KLF17: variants seen among roughly 807,000 people sequenced by gnomAD.
The protein encoded by KLF17 is KLF transcription factor 17.
KLF17 carries 31 observed loss-of-function variants against 34.2 expected under a neutral mutation model. The ratio of observed to expected loss-of-function variants is 0.91; its 90% CI spans 0.68 to 1.22. KLF17 has a LOEUF of 1.22. Ranked by LOEUF, KLF17 falls within the 50% of genes most tolerant of loss-of-function variation. KLF17 has a pLI of 0.00. For synonymous variants in KLF17, 179 were observed against 186.7 expected (o/e 0.96, Z 0.34); for missense variants, 478 against 505.2 (o/e 0.95, Z 0.52).
At chr1:44,097,505 G>A in the KLF17 span, among the ~76,000 whole-genome samples, 3 of 152,166 alleles carry the variant, frequency 2.0e-5, no homozygotes, top group African/African-American at 7.2e-5. Context: ...ACAGGTTGGT[G>A]AGTGCAGCAA....
chr1:44,108,989 G>T, the KLF17 span, among the ~76,000 whole-genome samples: 1 of 152,128 alleles, frequency 6.6e-6, no homozygotes, highest in Admixed American at 6.6e-5. Context: ...TTGTATGACA[G>T]ATTGTTTATT....
At chr1:44,091,635 C>CAAA in the KLF17 span, among the ~76,000 whole-genome samples, 112 of 78,556 alleles carry the variant, frequency 1.4e-3, no homozygotes, top group Non-Finnish European at 1.7e-3. Flanking sequence ...GACTCCATCT[C>CAAA]AAAAAAAAAA....
the KLF17 span, among the ~76,000 whole-genome samples, chr1:44,091,110 CTG>C: frequency 6.6e-6 from 1 of 151,922 alleles, no homozygotes; most frequent in Non-Finnish European, 1.5e-5. Flanking sequence ...AATATTAAAA[CTG>C]AGAATTTAAA....
the KLF17 span, among the ~76,000 whole-genome samples, chr1:44,066,013 T>C: frequency 1.3e-5 from 2 of 152,116 alleles, no homozygotes; most frequent in Non-Finnish European, 2.9e-5. Context: ...ATCCATTCAA[T>C]TGGCAAAAAC....
At chr1:44,088,848 G>A in the KLF17 span, among the ~76,000 whole-genome samples, 7 of 152,120 alleles carry the variant, frequency 4.6e-5, no homozygotes, top group East Asian at 1.3e-3. Flanking sequence ...GGAGCTGATT[G>A]GAGAATGGGG....
At chr1:44,098,619 C>T in the KLF17 span, among the ~76,000 whole-genome samples, 27 of 144,748 alleles carry the variant, frequency 1.9e-4, no homozygotes, top group South Asian at 2.4e-3. Context: ...GGCACGATCT[C>T]GGCTCACTGC....
At chr1:44,047,520 C>A in the KLF17 span, among the ~76,000 whole-genome samples, 1 of 152,100 alleles carries the variant, frequency 6.6e-6, no homozygotes, top group Non-Finnish European at 1.5e-5. Flanking sequence ...TGATCTGAGG[C>A]CCAGTTCAAC....
the KLF17 span, among the ~76,000 whole-genome samples, chr1:44,069,169 G>A: frequency 1.3e-5 from 2 of 152,126 alleles, no homozygotes; most frequent in Non-Finnish European, 2.9e-5. The surrounding 1 kb of genome is among the most constrained non-coding windows in gnomAD (Gnocchi z 4.7). Flanking sequence ...ACCAGGAGAT[G>A]GATAGGACAC....
At chr1:44,092,125 C>T in the KLF17 span, among the ~76,000 whole-genome samples, 1 of 151,708 alleles carries the variant, frequency 6.6e-6, no homozygotes, top group African/African-American at 2.4e-5. Flanking sequence ...GGCGGATCAC[C>T]TGAGGTCGGG....
At chr1:44,097,290 A>T in the KLF17 span, among the ~76,000 whole-genome samples, 2 of 152,120 alleles carry the variant, frequency 1.3e-5, no homozygotes, top group Admixed American at 6.6e-5. Context: ...GTTTGAAGTC[A>T]GGTAGTGTGA....
the KLF17 span, chr1:44,103,433 G>T: frequency 3.8e-6 from 3 of 795,828 alleles, no homozygotes; most frequent in East Asian, 4.9e-5. Flanking sequence ...TGGCGCCCAT[G>T]CCAGAGCCAA....
chr1:44,104,577 C>A, the KLF17 span: 12 of 655,654 alleles, frequency 1.8e-5, no homozygotes, highest in Non-Finnish European at 3.1e-5. Flanking sequence ...ACTGTGACAG[C>A]AGTGATGCCT....
In KLF17 at chr1:44,127,625, T is replaced by TTTTCTTTTCTTTTC. The variant is rs1553171613; in HGVS notation, c.82-1716_82-1715insTCTTTCTTTTCTTT. Among the ~76,000 whole-genome samples, 182 of 63,560 alleles carry TTTTCTTTTCTTTTC rather than the reference T, an allele frequency of 2.9e-3. 11 individuals are homozygous for TTTTCTTTTCTTTTC. Among genetic ancestry groups the TTTTCTTTTCTTTTC allele is most frequent in the African/African-American group, 9.7e-3 (176 of 18,086 alleles). 41.7% of individuals were successfully genotyped at this position (63,560 alleles called of 152,430 possible). On this transcript the variant is annotated intron_variant, in intron 1 of 3. Transcript: ENST00000372299. ...CCCTTTCTTTCTTTCTTTTCTTTTC[T>TTTTCTTTTCTTTTC]TTTCTTTTCTTTCCTTCTTTCTTTC...
At chr1:44,074,807 A>G in the KLF17 span, 1 of 152,228 alleles carries the variant, frequency 6.6e-6, no homozygotes, top group South Asian at 2.1e-4. Flanking sequence ...ACTTCTCAGA[A>G]GGCCCTTTTC....
the KLF17 span, among the ~76,000 whole-genome samples, chr1:44,044,295 AGCTG>A: frequency 6.6e-6 from 1 of 152,212 alleles, no homozygotes; most frequent in Non-Finnish European, 1.5e-5. Context: ...ACAGATTTGT[AGCTG>A]GCGTGGGGTT....
chr1:44,070,244 T>C, the KLF17 span, among the ~76,000 whole-genome samples: 15 of 152,322 alleles, frequency 9.8e-5, no homozygotes, highest in East Asian at 1.9e-4. Context: ...TTTTGTTACA[T>C]TGATATTTTG....
the KLF17 span, chr1:44,088,107 T>TTTATTTA: frequency 4.9e-5 from 9 of 182,708 alleles, no homozygotes; most frequent in African/African-American, 2.2e-4. Context: ...GCACTCTTAT[T>TTTATTTA]TTTATTTATT....
the KLF17 span, among the ~76,000 whole-genome samples, chr1:44,062,395 T>C: frequency 6.6e-6 from 1 of 152,140 alleles, no homozygotes; most frequent in African/African-American, 2.4e-5. Context: ...AATCAGAGCA[T>C]TATTTCTCAG....
At chr1:44,102,552 A>C in the KLF17 span, among the ~76,000 whole-genome samples, 20 of 97,850 alleles carry the variant, frequency 2.0e-4, no homozygotes, top group African/African-American at 7.2e-4. Context: ...AAACTCCATC[A>C]CACACATACA....
Sources: allele counts gnomAD v4.1 joint callset (sites outside exome capture counted in the v4.1 genomes callset), GRCh38; gene constraint gnomAD v4.1.1; non-coding constraint Gnocchi (gnomAD v3.1); transcripts MANE v1.5; gene names NCBI Gene and HGNC (gene_info 2026-07-23, HGNC 2026-07-21).